Variants in CYB5RL observed in about 807,000 individuals in gnomAD.
CYB5RL encodes the protein cytochrome b5 reductase like.
In CYB5RL, 38 loss-of-function variants were observed where a neutral mutation model predicts 37.5. The observed-to-expected ratio is 1.01, with a 90% CI of 0.78 to 1.33. CYB5RL has a LOEUF of 1.33. Ranked by LOEUF, CYB5RL falls within the 40% of genes most tolerant of loss-of-function variation. CYB5RL has a pLI of 0.00. For missense variants in CYB5RL, 388 were observed against 394.4 expected (o/e 0.98, Z 0.14); for synonymous variants, 141 against 151.9 (o/e 0.93, Z 0.53).
intron 3 of CYB5RL, among the ~76,000 whole-genome samples, 179 bp downstream of exon 3, chr1:54,195,240 A>C (rs1426287273): frequency 1.3e-5 from 2 of 152,192 alleles, no homozygotes; most frequent in Admixed American, 6.5e-5. Flanking sequence ...CTCAAATCAC[A>C]CAGCTGCTAA....
intron 7 of CYB5RL, among the ~76,000 whole-genome samples, chr1:54,176,842 T>C (rs1024748501): frequency 1.3e-5 from 2 of 152,018 alleles, no homozygotes; most frequent in African/African-American, 4.8e-5. Context: ...GCCAGGGTGG[T>C]GGCAGCAGAA....
intron 7 of CYB5RL, 68 bp from the exon 8 acceptor site, chr1:54,174,890 C>T: frequency 4.6e-6 from 7 of 1,516,678 alleles, no homozygotes; most frequent in Non-Finnish European, 6.3e-6. Flanking sequence ...ACACAGCCAG[C>T]TCTCCTCTGC....
At chr1:54,181,942 C>T (rs143500611) in intron 6 of CYB5RL, among the ~76,000 whole-genome samples, 7 of 152,104 alleles carry the variant, frequency 4.6e-5, no homozygotes, top group East Asian at 1.9e-4. Context: ...GGAAGGAGGA[C>T]GGGAAGACAG....
chr1:54,198,266 T>C (rs1644032319), intron 1 of CYB5RL, among the ~76,000 whole-genome samples: 1 of 151,940 alleles, frequency 6.6e-6, no homozygotes, highest in African/African-American at 2.4e-5. Context: ...TTGCATGCTA[T>C]GGACCAGGTA....
chr1:54,170,123 C>A lies in CYB5RL; in HGVS notation c.*4496G>T, dbSNP rs1223419411. ...GCAATAAAAATCTTTTTTTGGGGGG[C>A]ACTGAGTCTCGCTCTGTCACCCAGG... On this transcript the variant is annotated 3_prime_UTR_variant, in exon 8 of 8. Transcript: ENST00000534324. 1 of 152,150 alleles carries A rather than the reference C, an allele frequency of 6.6e-6. No homozygotes were observed. Among genetic ancestry groups the A allele is most frequent in the Non-Finnish European group, 1.5e-5 (1 of 68,022 alleles). The allele number at this position is 152,150 out of a possible 1,614,324, so 9.4% of individuals were successfully genotyped here.
At chr1:54,186,994 G>C (rs796446903) in intron 5 of CYB5RL, among the ~76,000 whole-genome samples, 3 of 152,314 alleles carry the variant, frequency 2.0e-5, no homozygotes, top group African/African-American at 7.2e-5. Context: ...ATCTAGAGCT[G>C]TGTATTAGGT....
chr1:54,171,539 G>T lies in CYB5RL; in HGVS notation c.*3080C>A, dbSNP rs913395994. The T allele has an allele frequency of 2.4e-6, 1 of 415,806 alleles. No homozygotes were observed. The highest frequency in any genetic ancestry group is 2.5e-5 in the Admixed American group (1 of 39,920). 25.8% of individuals were successfully genotyped at this position (415,806 alleles called of 1,614,324 possible). Reference sequence around the variant, plus strand: ...GAACTAAAGCCAATGCCGCTTCTGCGACCAAGAATCTGTCCTCAGGCCCTC... The same window carrying T: ...GAACTAAAGCCAATGCCGCTTCTGCTACCAAGAATCTGTCCTCAGGCCCTC... On this transcript the variant is annotated 3_prime_UTR_variant, in exon 8 of 8. Transcript: ENST00000534324.
At chr1:54,179,859 C>T (rs1570101479) in intron 6 of CYB5RL, 2 of 438,656 alleles carry the variant, frequency 4.6e-6, no homozygotes, top group African/African-American at 4.0e-5. Flanking sequence ...CAAGGGCCCA[C>T]CTTGGACCTC....
chr1:54,195,431 C>A lies in CYB5RL; in HGVS notation c.186G>T (p.Gly62=). The A allele has an allele frequency of 6.3e-7, 1 of 1,597,304 alleles. No homozygotes were observed. The highest frequency in any genetic ancestry group is 8.6e-7 in the Non-Finnish European group (1 of 1,168,918). Residue 62 remains glycine, a synonymous_variant, in exon 3 of 8, where the codon GGG becomes GGT. Coordinates refer to ENST00000534324, the MANE Select transcript of CYB5RL (RefSeq NM_001031672.4). ...QASKDRSLLR[G]PESQSCPSKL... ...CAGCCTCTCTCACCTGTGACTCTGG[C>A]CCACGCAGCAGGCTCCTGTCCTTGC...
intron 3 of CYB5RL, among the ~76,000 whole-genome samples, chr1:54,195,128 T>G (rs945486903): frequency 6.6e-6 from 1 of 152,214 alleles, no homozygotes; most frequent in African/African-American, 2.4e-5. Context: ...TAATAGGTAC[T>G]CAATAAATAT....
chr1:54,193,576 AT>A (rs377243905), intron 3 of CYB5RL, among the ~76,000 whole-genome samples: 30 of 152,312 alleles, frequency 2.0e-4, no homozygotes, highest in African/African-American at 7.2e-4. Context: ...CATGCCTGTA[AT>A]CCCAGCAAGC....
chr1:54,174,451 G>C lies in CYB5RL; in HGVS notation c.*168C>G, dbSNP rs1029682472. ...CCAGGAGGAGTGATTAACCTCATGGGGCAGATGAGAAGTAGAGGTTCTGAG... is the reference window on the plus strand; with the variant it reads ...CCAGGAGGAGTGATTAACCTCATGGCGCAGATGAGAAGTAGAGGTTCTGAG... On this transcript the variant is annotated 3_prime_UTR_variant, in exon 8 of 8. Transcript: ENST00000534324. 3 of 726,254 alleles carry C rather than the reference G, an allele frequency of 4.1e-6. No individual in the cohort carries two copies. Among genetic ancestry groups the C allele is most frequent in the Non-Finnish European group, 6.9e-6 (3 of 436,132 alleles). 45.0% of individuals were successfully genotyped at this position (726,254 alleles called of 1,614,324 possible).
chr1:54,199,793 C>CGCAGCAGCGCGCTGTACAGGT (rs1644059262), intron 1 of CYB5RL, among the ~76,000 whole-genome samples, 183 bp downstream of exon 1: 1 of 152,182 alleles, frequency 6.6e-6, no homozygotes, highest in African/African-American at 2.4e-5. Flanking sequence ...CAGAGGCGCT[C>CGCAGCAGCGCGCTGTACAGGT]GCAGCAGCGC....
At chr1:54,181,737 A>G (rs1364838583) in intron 6 of CYB5RL, among the ~76,000 whole-genome samples, 1 of 152,192 alleles carries the variant, frequency 6.6e-6, no homozygotes, top group Non-Finnish European at 1.5e-5. Flanking sequence ...GGATCACTTG[A>G]GCCAAGGAGT....
chr1:54,171,126 G>C lies in CYB5RL; in HGVS notation c.*3493C>G, dbSNP rs1178688045. 9 of 455,820 alleles carry C rather than the reference G, an allele frequency of 2.0e-5. No individual in the cohort carries two copies. In the East Asian group the frequency reaches 6.3e-4, roughly 32 times the overall value. The allele number at this position is 455,820 out of a possible 1,614,324, so 28.2% of individuals were successfully genotyped here. On this transcript the variant is annotated 3_prime_UTR_variant, in exon 8 of 8. Transcript: ENST00000534324. ...AGCTGGAGTGGAAGAGACAGGCGAG[G>C]CTCCCGGGAGGAAGTGACACTGAGC...
chr1:54,190,748 C>T lies in CYB5RL; in HGVS notation c.347G>A (p.Arg116Gln), dbSNP rs746127014. The change falls in exon 4 of 8, where the codon CGA becomes CAA. Residue 116 changes from arginine to glutamine, a missense_variant and splice_region_variant. By Grantham distance (43) the Arg-to-Gln change is conservative. Coordinates refer to ENST00000534324, the MANE Select transcript of CYB5RL (RefSeq NM_001031672.4). ...TGGTCCTCCCGCTACCTGAGTGTAC[C>T]GTAGGATGAGGTGCTGGCCGGGCCG... ...GLRPGQHLILRGIVDDLEIQR... is the reference protein window; with the variant it reads ...GLRPGQHLILQGIVDDLEIQR... 2.6e-5 allele frequency: 40 copies of T among 1,552,356 alleles called. No individual in the cohort carries two copies. The highest frequency in any genetic ancestry group is 1.2e-4 in the East Asian group (5 of 40,958).
In CYB5RL at chr1:54,174,670, G is replaced by A. The variant is rs1186706453; in HGVS notation, c.897C>T (p.Ala299=). The change falls in exon 8 of 8, where the codon GCC becomes GCT. Residue 299 remains alanine, a synonymous_variant. Transcript: ENST00000534324. ...TGAGGCCTGCGCACAGTAAGCACCT[G>A]GCTATGTCTTTGGTGAACTCAGCCG... is the stretch of plus-strand genomic sequence containing the variant. ...CGSAEFTKDI[A]RCLLCAGLTE... The A allele has an allele frequency of 6.2e-7, 1 of 1,613,338 alleles. No individual in the cohort carries two copies. The highest frequency in any genetic ancestry group is 1.3e-5 in the African/African-American group (1 of 74,932).
chr1:54,191,617 T>C (rs1342646870), intron 3 of CYB5RL, among the ~76,000 whole-genome samples: 1 of 152,146 alleles, frequency 6.6e-6, no homozygotes, highest in Non-Finnish European at 1.5e-5. Flanking sequence ...AATACTCCAT[T>C]TACTCCTGGG....
At chr1:54,180,401 C>T (rs1246845643) in intron 6 of CYB5RL, among the ~76,000 whole-genome samples, 2 of 151,790 alleles carry the variant, frequency 1.3e-5, no homozygotes, top group South Asian at 2.1e-4. Flanking sequence ...GTCAGGAGAT[C>T]GAGCCATCCT....
Sources: allele counts gnomAD v4.1 joint callset (sites outside exome capture counted in the v4.1 genomes callset), GRCh38; gene constraint gnomAD v4.1.1; transcripts MANE v1.5; gene names NCBI Gene and HGNC (gene_info 2026-07-23, HGNC 2026-07-21).